The following MAGI2 variants were observed in gnomAD, a reference collection of about 807,000 sequenced individuals.
MAGI2 encodes the protein membrane associated guanylate kinase, WW and PDZ domain containing 2.
In MAGI2, 35 loss-of-function variants were observed where a neutral mutation model predicts 133.3. The observed-to-expected ratio is 0.26, with a 90% CI of 0.20 to 0.35. The LOEUF (loss-of-function observed/expected upper bound fraction) is 0.35. MAGI2 is among the 10% of genes least tolerant of loss of function. The probability of loss-of-function intolerance (pLI) is 1.00; values close to 1 mark genes in which losing one functional copy is unlikely to be tolerated. For synonymous variants in MAGI2, 729 were observed against 710.6 expected (o/e 1.03, Z -0.41); for missense variants, 1,636 against 1,863.4 (o/e 0.88, Z 2.25).
intron 9 of MAGI2, among the ~76,000 whole-genome samples, chr7:78,284,466 A>T (rs35531388): frequency 0.2 from 28,515 of 145,970 alleles, 3,146 homozygotes; most frequent in South Asian, 0.32. Flanking sequence ...TTTTTTTTTT[A>T]AAATAAGAAT....
rs750916680 is a variant in MAGI2 at position 78,160,019 on chromosome 7, A to G, written c.2845+6T>C. ...TATTCAAATGCAGGCAAATTTCAGC[A>G]CTTACTTATAGTGGATCCAGACTCA... On this transcript the variant is annotated splice_donor_region_variant and intron_variant, in intron 16 of 21. Coordinates refer to ENST00000354212, the MANE Select transcript of MAGI2 (RefSeq NM_012301.4). 1 of 1,539,376 alleles carries G rather than the reference A, an allele frequency of 6.5e-7. No individual in the cohort carries two copies. The highest frequency in any genetic ancestry group is 2.0e-5 in the Admixed American group (1 of 49,836).
At chr7:79,243,693 A>G (rs1057115070) in intron 1 of MAGI2, among the ~76,000 whole-genome samples, 1 of 152,188 alleles carries the variant, frequency 6.6e-6, no homozygotes, top group African/African-American at 2.4e-5. Context: ...CTGATTTTGA[A>G]ATATTTTACC....
In MAGI2 at chr7:78,910,424, T is replaced by C. The variant is rs909162527; in HGVS notation, c.418+96666A>G. Among the ~76,000 whole-genome samples the C allele has an allele frequency of 2.6e-5, 4 of 152,116 alleles. No individual in the cohort carries two copies. The East Asian group carries it at 7.7e-4, about 29-fold the overall frequency. On this transcript the variant is annotated intron_variant, in intron 2 of 21. Transcript: ENST00000354212. ...TATAAATGTAAAAGGCCTTGGATAA[T>C]AACAGAAAGGTAATAAATACAATTT...
chr7:78,182,694 A>T (rs140981591), intron 13 of MAGI2, among the ~76,000 whole-genome samples: 1 of 152,194 alleles, frequency 6.6e-6, no homozygotes, highest in East Asian at 1.9e-4. Context: ...TTCTTTCCTC[A>T]TACTGATTGA....
chr7:79,302,449 A>G (rs1038868490), intron 1 of MAGI2, among the ~76,000 whole-genome samples: 1 of 152,180 alleles, frequency 6.6e-6, no homozygotes, highest in African/African-American at 2.4e-5. Context: ...ACAGTGAAAT[A>G]CCCTGAAGAT....
intron 21 of MAGI2, among the ~76,000 whole-genome samples, chr7:78,049,242 G>A (rs1052482309): frequency 1.3e-5 from 2 of 152,104 alleles, no homozygotes; most frequent in Non-Finnish European, 2.9e-5. Flanking sequence ...AAGACGAGAC[G>A]GCATCTCATA....
intron 20 of MAGI2, among the ~76,000 whole-genome samples, chr7:78,090,877 C>A (rs1817124816): frequency 6.6e-6 from 1 of 152,206 alleles, no homozygotes; most frequent in South Asian, 2.1e-4. Flanking sequence ...AGCAGACAGA[C>A]TGATTTTTGC....
rs553864705 is a variant in MAGI2, at chr7:79,134,282, T to G, written c.302-127076A>C. 2.0e-5 allele frequency among the ~76,000 whole-genome samples: 3 copies of G among 152,314 alleles called. No individual in the cohort carries two copies. The East Asian group carries it at 5.8e-4, about 29-fold the overall frequency. On this transcript the variant is annotated intron_variant, in intron 1 of 21. Transcript: ENST00000354212. ...GATATAATAATCAAAAGAGAAAAAT[T>G]TGTTAAAAACGCTCACAGGCATCTG... is the stretch of plus-strand genomic sequence containing the variant.
intron 6 of MAGI2, among the ~76,000 whole-genome samples, chr7:78,435,727 C>T (rs565205469): frequency 1.3e-5 from 2 of 152,242 alleles, no homozygotes; most frequent in South Asian, 4.1e-4. Context: ...TCACATTCAT[C>T]CCCGGACACA....
chr7:79,329,956 C>T (rs918151748), intron 1 of MAGI2, among the ~76,000 whole-genome samples: 1 of 152,036 alleles, frequency 6.6e-6, no homozygotes, highest in Non-Finnish European at 1.5e-5. Flanking sequence ...TAAACTTATG[C>T]AAAGACCTAC....
At chr7:79,405,742 T>A (rs1026573825) in intron 1 of MAGI2, among the ~76,000 whole-genome samples, 1 of 152,134 alleles carries the variant, frequency 6.6e-6, no homozygotes, top group Non-Finnish European at 1.5e-5. Flanking sequence ...GACTCTAAAC[T>A]TTTAAGTTCC....
At chr7:79,043,887 A>G (rs1250394462) in intron 1 of MAGI2, among the ~76,000 whole-genome samples, 1 of 152,186 alleles carries the variant, frequency 6.6e-6, no homozygotes, top group Non-Finnish European at 1.5e-5. Context: ...TGAGTTGTGA[A>G]TATTGAGTGT....
intron 1 of MAGI2, among the ~76,000 whole-genome samples, chr7:79,348,393 A>G (rs17152352): frequency 0.16 from 24,415 of 151,862 alleles, 2,151 homozygotes; most frequent in East Asian, 0.22. Context: ...AAGCTCTGAC[A>G]TTGTCTCCAT....
chr7:79,026,816 G>A lies in MAGI2; in HGVS notation c.302-19610C>T, dbSNP rs150642981. 1.5e-3 allele frequency among the ~76,000 whole-genome samples: 235 copies of A among 151,878 alleles called. 1 individual carries two copies. The highest frequency in any genetic ancestry group is 5.2e-3 in the African/African-American group (216 of 41,380). ...TGAGCCCCGAGAGGCGGAGGTTGCA[G>A]TAAGCCAAGATCGGCAATCCAGCCT... On this transcript the variant is annotated intron_variant, in intron 1 of 21. Transcript: ENST00000354212.
intron 20 of MAGI2, among the ~76,000 whole-genome samples, chr7:78,083,387 G>GGAGAGAGAGAGAGAGAGAGAGAGAGAGA (rs747230358): frequency 3.9e-4 from 13 of 33,306 alleles, no homozygotes; most frequent in African/African-American, 1.4e-3. Flanking sequence ...AGGGAGGGGG[G>GGAGAGAGAGAGAGAGAGAGAGAGAGAGA]GAGAGAGAGA....
chr7:78,132,867 C>T lies in MAGI2; in HGVS notation c.3203+22G>A. On this transcript the variant is annotated intron_variant, in intron 18 of 21. Transcript: ENST00000354212. ...CCCACCCTATCACCTCTCAGAATCA[C>T]AAAAGTCAGAGGAAATTTTACCTAT... The T allele has an allele frequency of 2.5e-6, 4 of 1,614,080 alleles. No homozygotes were observed. The East Asian group carries it at 8.9e-5, about 36-fold the overall frequency.
rs181773397 is a variant in MAGI2 at position 78,098,685 on chromosome 7, C to T, written c.3568-19600G>A. ...TTATTTGATGTTGCCAAATTATTTT[C>T]CAAAGTTGCTGCATCAATTTACACC... On this transcript the variant is annotated intron_variant, in intron 20 of 21. Coordinates refer to ENST00000354212, the MANE Select transcript of MAGI2 (RefSeq NM_012301.4). 5.9e-3 allele frequency among the ~76,000 whole-genome samples: 903 copies of T among 152,206 alleles called. 7 individuals carry two copies. The highest frequency in any genetic ancestry group is 7.4e-3 in the Non-Finnish European group (502 of 67,958).
intron 1 of MAGI2, among the ~76,000 whole-genome samples, chr7:79,396,534 CCTA>C (rs1386235992): frequency 6.6e-6 from 1 of 152,054 alleles, no homozygotes; most frequent in African/African-American, 2.4e-5. Context: ...GAGAAAGATC[CCTA>C]CTGAGAAACA....
At chr7:78,686,626 T>C (rs1314134608) in intron 2 of MAGI2, among the ~76,000 whole-genome samples, 2 of 151,420 alleles carry the variant, frequency 1.3e-5, no homozygotes, top group African/African-American at 4.9e-5. Context: ...AGACCAGGTG[T>C]ATTTATGTCT....
Sources: gnomAD v4.1 joint callset for allele counts (sites outside exome capture counted in the v4.1 genomes callset) on GRCh38, gnomAD v4.1.1 for gene constraint, MANE v1.5 for transcripts, NCBI Gene and HGNC (gene_info 2026-07-23, HGNC 2026-07-21) for gene names.